PDS5A: variants seen among roughly 807,000 people sequenced by gnomAD.
The protein encoded by PDS5A is sister chromatid cohesion protein PDS5 homolog A.
In PDS5A, 42 loss-of-function variants were observed where a neutral mutation model predicts 167.1. The observed-to-expected ratio is 0.25, with a 90% CI of 0.20 to 0.33. The LOEUF (loss-of-function observed/expected upper bound fraction) is 0.33. Ranked by LOEUF, PDS5A falls within the 10% of genes least tolerant of loss-of-function variation. The probability of loss-of-function intolerance (pLI) is 1.00; values close to 1 mark genes in which losing one functional copy is unlikely to be tolerated. For synonymous variants in PDS5A, 553 were observed against 554.6 expected, an observed-to-expected ratio of 1.00 and a Z score of 0.04; for missense variants, 1,033 against 1,605.9, an observed-to-expected ratio of 0.64 and a Z score of 6.10.
rs1384214293 is a variant in PDS5A at position 39,900,466 on chromosome 4, C to T, written c.1541G>A (p.Ser514Asn). ...EMWKCQNMLR[S>N]HVRELLDLHK... Reference sequence around the variant, plus strand: ...CAAATCCAATAGTTCGCGTACATGGCTCCGAAGCATGTTCTGACACTTCCA... The same window carrying T: ...CAAATCCAATAGTTCGCGTACATGGTTCCGAAGCATGTTCTGACACTTCCA... The change falls in exon 14 of 33, where the codon AGC becomes AAC. Residue 514 changes from serine (S) to asparagine (N), a missense_variant. Ser to Asn is a conservative substitution (Grantham distance 46). Coordinates refer to ENST00000303538, the MANE Select transcript of PDS5A (RefSeq NM_001100399.2). The T allele has an allele frequency of 6.3e-7, 1 of 1,584,886 alleles. No individual in the cohort carries two copies.
intron 2 of PDS5A, among the ~76,000 whole-genome samples, chr4:39,948,781 T>C (rs1353984964): frequency 6.6e-6 from 1 of 151,496 alleles, no homozygotes; most frequent in Non-Finnish European, 1.5e-5. Flanking sequence ...TGTGCCACCA[T>C]GCCCGGATAA....
intron 7 of PDS5A, among the ~76,000 whole-genome samples, 200 bp downstream of exon 7, chr4:39,920,119 G>A (rs1724807110): frequency 1.3e-5 from 2 of 152,068 alleles, no homozygotes; most frequent in Non-Finnish European, 2.9e-5. Flanking sequence ...GGGAGTTGCA[G>A]ACGACTTTTC....
intron 8 of PDS5A, among the ~76,000 whole-genome samples, chr4:39,916,313 G>C (rs949458687): frequency 2.6e-5 from 4 of 152,078 alleles, no homozygotes; most frequent in Admixed American, 2.6e-4. Flanking sequence ...TACTTGCTCA[G>C]TTGTCTATAA....
intron 2 of PDS5A, among the ~76,000 whole-genome samples, chr4:39,945,051 T>C (rs1009562114): frequency 6.6e-6 from 1 of 152,164 alleles, no homozygotes; most frequent in Non-Finnish European, 1.5e-5. Flanking sequence ...TTCAAATAAT[T>C]TGAATACACT....
chr4:39,942,979 T>C (rs1012387065), intron 2 of PDS5A, among the ~76,000 whole-genome samples: 4 of 152,108 alleles, frequency 2.6e-5, no homozygotes, highest in African/African-American at 9.7e-5. Context: ...ACATCTGCCC[T>C]ACACACTAAG....
chr4:39,857,370 G>T (rs1272827530), intron 26 of PDS5A, among the ~76,000 whole-genome samples: 1 of 147,456 alleles, frequency 6.8e-6, no homozygotes, highest in Admixed American at 6.7e-5. Flanking sequence ...AAAAAAAAAG[G>T]AAAGAAATAG....
At chr4:39,929,914 CAA>C (rs576020106) in intron 2 of PDS5A, among the ~76,000 whole-genome samples, 9 of 142,538 alleles carry the variant, frequency 6.3e-5, no homozygotes, top group Admixed American at 1.4e-4. Context: ...CCTGGCTAAT[CAA>C]AAAAAAAAAA....
In PDS5A at chr4:39,976,389, C is replaced by T; in HGVS notation, c.138+51G>A. The T allele has an allele frequency of 1.9e-6, 3 of 1,552,818 alleles. No individual in the cohort carries two copies. In the South Asian group the frequency reaches 3.4e-5, roughly 18 times the overall value. Reference sequence around the variant, plus strand: ...CAGACTGAGCAGGGTAGCAGTATCACAGGAGAAAGCGCCTTCTACCAAAGA... The same window carrying T: ...CAGACTGAGCAGGGTAGCAGTATCATAGGAGAAAGCGCCTTCTACCAAAGA... On this transcript the variant is annotated intron_variant, in intron 2 of 32. Transcript: ENST00000303538.
At chr4:39,952,989 A>G (rs547907704) in intron 2 of PDS5A, among the ~76,000 whole-genome samples, 3 of 152,316 alleles carry the variant, frequency 2.0e-5, no homozygotes, top group African/African-American at 7.2e-5. Flanking sequence ...TTGGCCTCCC[A>G]AAGTGCTGGG....
chr4:39,941,906 C>A lies in PDS5A; in HGVS notation c.139-13742G>T, dbSNP rs138539781. Reference sequence around the variant, plus strand: ...TGCACAACTGCTGCTCCATCCTGAACCACAGAGCAAGACCCCATCTCAGCA... The same window carrying A: ...TGCACAACTGCTGCTCCATCCTGAAACACAGAGCAAGACCCCATCTCAGCA... On this transcript the variant is annotated intron_variant, in intron 2 of 32. Transcript: ENST00000303538. Among the ~76,000 whole-genome samples the A allele has an allele frequency of 4.0e-4, 61 of 152,240 alleles. No individual in the cohort carries two copies. In the East Asian group the frequency reaches 9.8e-3, roughly 25 times the overall value.
intron 31 of PDS5A, among the ~76,000 whole-genome samples, chr4:39,840,187 G>C (rs776255280): frequency 6.6e-6 from 1 of 152,138 alleles, no homozygotes; most frequent in African/African-American, 2.4e-5. Flanking sequence ...CACTTAGCCA[G>C]TGAGTGGCAG....
chr4:39,918,106 G>T (rs1367124714), intron 7 of PDS5A, among the ~76,000 whole-genome samples: 1 of 148,978 alleles, frequency 6.7e-6, no homozygotes, highest in East Asian at 2.0e-4. Flanking sequence ...TTAAGCCCCA[G>T]GAAGTCGAGG....
At chr4:39,931,199 T>C (rs1334099478) in intron 2 of PDS5A, among the ~76,000 whole-genome samples, 1 of 150,822 alleles carries the variant, frequency 6.6e-6, no homozygotes, top group East Asian at 1.9e-4. Flanking sequence ...AAGAGTTCCT[T>C]CCACCTCAGC....
At chr4:39,975,217 A>T (rs1044588357) in intron 2 of PDS5A, among the ~76,000 whole-genome samples, 7 of 152,044 alleles carry the variant, frequency 4.6e-5, no homozygotes, top group Non-Finnish European at 7.4e-5. Context: ...TGGAGGTTGC[A>T]GTGAGCTGAG....
At chr4:39,887,707 C>T (rs1672436264) in intron 17 of PDS5A, among the ~76,000 whole-genome samples, 2 of 151,720 alleles carry the variant, frequency 1.3e-5, no homozygotes, top group Non-Finnish European at 2.9e-5. Flanking sequence ...GCAACTAAAG[C>T]AAAAATAGAA....
At chr4:39,867,621 G>C (rs1719595585) in intron 22 of PDS5A, among the ~76,000 whole-genome samples, 1 of 151,740 alleles carries the variant, frequency 6.6e-6, no homozygotes, top group South Asian at 2.1e-4. Context: ...TCAGGAGGCT[G>C]AGGCATGAGA....
intron 2 of PDS5A, among the ~76,000 whole-genome samples, chr4:39,963,146 C>G (rs1377378144): frequency 3.9e-5 from 6 of 152,028 alleles, no homozygotes; most frequent in African/African-American, 1.4e-4. Flanking sequence ...ATGGCGAAAC[C>G]CCGTCTCTTT....
chr4:39,863,527 CCT>C lies in PDS5A; in HGVS notation c.2643-70_2643-69del. 6.6e-6 allele frequency: 8 copies of C among 1,203,442 alleles called. 1 individual carries two copies. Among genetic ancestry groups the C allele is most frequent in the African/African-American group, 6.1e-5 (4 of 65,784 alleles). 74.5% of individuals were successfully genotyped at this position (1,203,442 alleles called of 1,614,324 possible). On this transcript the variant is annotated intron_variant, in intron 23 of 32. Coordinates refer to ENST00000303538, the MANE Select transcript of PDS5A (RefSeq NM_001100399.2). ...TATCATTCATAAAAATGCTTTCGTC[CCT>C]TTTTGAATGTAAGGTCCTTAGAGCA...
chr4:39,830,370 T>G (rs1002066513), intron 32 of PDS5A, among the ~76,000 whole-genome samples: 1 of 152,188 alleles, frequency 6.6e-6, no homozygotes, highest in East Asian at 1.9e-4. Context: ...CTTTTTAAAT[T>G]TTTTGTAGAG....
Sources: gnomAD v4.1 joint callset for allele counts (sites outside exome capture counted in the v4.1 genomes callset) on GRCh38, gnomAD v4.1.1 for gene constraint, MANE v1.5 for transcripts, NCBI Gene and HGNC (gene_info 2026-07-23, HGNC 2026-07-21) for gene names.